GPN1: variants seen among roughly 807,000 people sequenced by gnomAD.
GPN1 encodes ATP(GTP)-binding protein.
A neutral mutation model predicts 55.9 loss-of-function variants in GPN1; 44 were observed. The ratio of observed to expected loss-of-function variants is 0.79; its 90% CI spans 0.62 to 1.01. GPN1 has a LOEUF of 1.01. Among genes scored for constraint, GPN1 ranks in the 50% least tolerant of loss-of-function variants. The pLI is 0.00. For missense variants in GPN1, 466 were observed against 462.8 expected (o/e 1.01, Z -0.06); for synonymous variants, 179 against 162.5 (o/e 1.10, Z -0.77).
intron 5 of GPN1, among the ~76,000 whole-genome samples, chr2:27,634,161 A>C (rs1673647652): frequency 6.6e-6 from 1 of 152,166 alleles, no homozygotes; most frequent in Admixed American, 6.6e-5. Flanking sequence ...AATGATATTG[A>C]ACATCTTTTT....
intron 7 of GPN1, among the ~76,000 whole-genome samples, chr2:27,635,687 C>T (rs929247527): frequency 2.0e-5 from 3 of 152,068 alleles, no homozygotes; most frequent in East Asian, 1.9e-4. Context: ...CGTGGTGGCA[C>T]GCCCTTGTAG....
At chr2:27,634,377 G>A (rs1480575410) in intron 5 of GPN1, among the ~76,000 whole-genome samples, 3 of 152,116 alleles carry the variant, frequency 2.0e-5, no homozygotes, top group East Asian at 1.9e-4. Context: ...GTGGCTTTTA[G>A]TATATTCACA....
At chr2:27,638,500 C>T (rs1441896143) in intron 8 of GPN1, among the ~76,000 whole-genome samples, 3 of 152,200 alleles carry the variant, frequency 2.0e-5, no homozygotes, top group African/African-American at 7.2e-5. Context: ...TAGATTATCC[C>T]TCAGAGTCAA....
intron 1 of GPN1, chr2:27,629,403 T>A (rs1340084067): frequency 6.4e-7 from 1 of 1,551,272 alleles, no homozygotes; most frequent in Non-Finnish European, 8.7e-7. Flanking sequence ...TACCACGTTG[T>A]ACAGGAATTG....
At chr2:27,635,721 G>A (rs1673710630) in intron 7 of GPN1, among the ~76,000 whole-genome samples, 2 of 152,186 alleles carry the variant, frequency 1.3e-5, no homozygotes, top group Admixed American at 6.5e-5. Context: ...GGAGGCTGAC[G>A]TGGGAGGATT....
chr2:27,630,041 A>G (rs1673473410), intron 2 of GPN1, 89 bp downstream of exon 2: 2 of 790,680 alleles, frequency 2.5e-6, no homozygotes, highest in Admixed American at 3.6e-5. Context: ...TAATCTCAGC[A>G]CTTTGGGAGG....
intron 13 of GPN1, among the ~76,000 whole-genome samples, chr2:27,648,279 G>C (rs1441672491): frequency 6.6e-6 from 1 of 152,162 alleles, no homozygotes; most frequent in East Asian, 1.9e-4. Flanking sequence ...CACTGCTTTG[G>C]GAGGCCAAGT....
At chr2:27,642,144 C>A in intron 11 of GPN1, 1 of 298,920 alleles carries the variant, frequency 3.3e-6, no homozygotes, top group Non-Finnish European at 6.3e-6. Context: ...GGGGATCCAC[C>A]CTGGACTGAA....
chr2:27,634,653 G>A (rs942931014), intron 5 of GPN1, among the ~76,000 whole-genome samples, 193 bp from the exon 6 acceptor site: 4 of 152,194 alleles, frequency 2.6e-5, no homozygotes, highest in Admixed American at 2.6e-4. Context: ...GCCCATTGGC[G>A]TGAATATTGG....
chr2:27,629,852 T>G lies in GPN1; in HGVS notation c.112-7T>G. The G allele has an allele frequency of 6.5e-7, 1 of 1,536,800 alleles. No homozygotes were observed. The highest frequency in any genetic ancestry group is 9.0e-7 in the Non-Finnish European group (1 of 1,109,350). ...CTCCTTCCAACCCTCTCCCCATATC[T>G]CTGCAGAGGCTCACAGGACACCTGC... is the stretch of plus-strand genomic sequence containing the variant. On this transcript the variant is annotated splice_region_variant and splice_polypyrimidine_tract_variant and intron_variant, in intron 1 of 13. Transcript: ENST00000610189.
At chr2:27,635,262 T>G (rs1213772456) in intron 7 of GPN1, 28 bp downstream of exon 7, 1 of 1,119,358 alleles carries the variant, frequency 8.9e-7, no homozygotes. Context: ...GGGAAAGTGT[T>G]CCATCAAGGT....
At chr2:27,628,950 C>T, upstream of GPN1, 11 of 1,554,164 alleles carry the variant, frequency 7.1e-6, no homozygotes, top group Non-Finnish European at 8.7e-6. Flanking sequence ...CGCCCCTCAC[C>T]CGCTCCTTTC....
At chr2:27,634,819 CTTCTT>C in intron 5 of GPN1, 22 bp from the exon 6 acceptor site, 1 of 1,264,370 alleles carries the variant, frequency 7.9e-7, no homozygotes, top group Non-Finnish European at 1.2e-6. Flanking sequence ...AAATGTAACA[CTTCTT>C]TAATGATCTT....
At position 27,646,103 on chromosome 2, in the gene GPN1, G is replaced by A. The variant is rs565726439; in HGVS notation, c.932-1733G>A. On this transcript the variant is annotated intron_variant, in intron 12 of 13. Coordinates refer to ENST00000610189, the MANE Select transcript of GPN1 (RefSeq NM_007266.4). The stretch of plus-strand genomic sequence containing the variant: ...GTCACCTAGGCTGGAGTGCAATGGC[G>A]CGATCTCGGCTCACTGCAACCTCCG... 4.7e-4 allele frequency among the ~76,000 whole-genome samples: 71 copies of A among 152,198 alleles called. 1 individual carries two copies. The highest frequency in any genetic ancestry group is 9.1e-4 in the Non-Finnish European group (62 of 68,010).
Position 27,629,156 on chromosome 2 carries a change from C to T in GPN1, c.98C>T (p.Thr33Ile). ...TTGGGAATGGCGGGATCCGGGAAAA[C>T]CACTTTTGTACAGGTGACGTACACA... The part of the protein sequence containing the change: ...LVLGMAGSGK[T>I]TFVQRLTGHL... Residue 33 changes from threonine (T) to isoleucine (I), a missense_variant, in exon 1 of 14, where the codon ACC becomes ATC. By Grantham distance (89) the Thr-to-Ile change is moderately conservative. Coordinates refer to ENST00000610189, the MANE Select transcript of GPN1 (RefSeq NM_007266.4). 2 of 1,614,204 alleles carry T rather than the reference C, an allele frequency of 1.2e-6. No individual in the cohort carries two copies. The highest frequency in any genetic ancestry group is 1.3e-5 in the African/African-American group (1 of 75,058).
At chr2:27,648,397 T>C (rs552720058) in intron 13 of GPN1, among the ~76,000 whole-genome samples, 26 of 152,128 alleles carry the variant, frequency 1.7e-4, no homozygotes, top group Non-Finnish European at 3.1e-4. Context: ...CTCACACCTG[T>C]AGTTCAAGCT....
chr2:27,633,649 G>A (rs1673631469), intron 5 of GPN1, among the ~76,000 whole-genome samples: 1 of 151,882 alleles, frequency 6.6e-6, no homozygotes, highest in Non-Finnish European at 1.5e-5. Context: ...ACTAATTTTT[G>A]TATTTTTAGT....
chr2:27,650,141 G>A lies in GPN1; in HGVS notation c.1066G>A (p.Ala356Thr), dbSNP rs1401319260. The A allele has an allele frequency of 1.2e-6, 2 of 1,606,712 alleles. No homozygotes were observed. Among genetic ancestry groups the A allele is most frequent in the East Asian group, 2.2e-5 (1 of 44,836 alleles). The change falls in exon 14 of 14, where the codon GCA becomes ACA. Residue 356 changes from alanine to threonine, a missense_variant. Coordinates refer to ENST00000610189, the MANE Select transcript of GPN1 (RefSeq NM_007266.4). ...TACAGAGGAAAGCCATGAAGAGCCA[G>A]CATTCCAGAATTTTATGCAAGAATC... ...RVTEESHEEP[A>T]FQNFMQESMA...
chr2:27,648,166 G>C (rs1482041339), intron 13 of GPN1, among the ~76,000 whole-genome samples: 1 of 152,112 alleles, frequency 6.6e-6, no homozygotes, highest in Non-Finnish European at 1.5e-5. Flanking sequence ...TTATCTTTAG[G>C]TCCTAACTTG....
Sources: gnomAD v4.1 joint callset for allele counts (sites outside exome capture counted in the v4.1 genomes callset) on GRCh38, gnomAD v4.1.1 for gene constraint, MANE v1.5 for transcripts, NCBI Gene and HGNC (gene_info 2026-07-23, HGNC 2026-07-21) for gene names.